ZNF175: variants seen among roughly 807,000 people sequenced by gnomAD.
ZNF175 encodes zinc finger protein 175, also known as zinc finger protein OTK18.
ZNF175 carries 8 observed loss-of-function variants against 14.0 expected under a neutral mutation model. That is an observed-to-expected ratio of 0.57 (90% CI 0.34 to 1.03). The LOEUF (loss-of-function observed/expected upper bound fraction) is 1.03, where lower values mean the gene tolerates loss of function less well. ZNF175 is among the 50% of genes least tolerant of loss of function. The pLI, the probability that ZNF175 is intolerant of heterozygous loss-of-function variation, is 0.03. For synonymous variants in ZNF175, 255 were observed against 296.8 expected (o/e 0.86, Z 1.45); for missense variants, 764 against 849.5 (o/e 0.90, Z 1.25).
At chr19:51,581,747 AG>A (rs1304553739) in intron 3 of ZNF175, 39 bp from the exon 4 acceptor site, 1 of 1,604,346 alleles carries the variant, frequency 6.2e-7, no homozygotes, top group East Asian at 2.2e-5. Context: ...CTAAAACTGA[AG>A]AAGCTACACC....
rs1434641276 is a variant in ZNF175, at chr19:51,573,162, C to T, written c.-168C>T. ...TTGCTTTTCCAAGGCTTCTGCAGAACCCCCAGGTCAGGCCACATCATTGAG... is the reference window on the plus strand; with the variant it reads ...TTGCTTTTCCAAGGCTTCTGCAGAATCCCCAGGTCAGGCCACATCATTGAG... On this transcript the variant is annotated 5_prime_UTR_variant, in exon 2 of 5. Coordinates refer to ENST00000262259, the MANE Select transcript of ZNF175 (RefSeq NM_007147.4). 3.0e-6 allele frequency: 2 copies of T among 675,990 alleles called. No homozygotes were observed. Among genetic ancestry groups the T allele is most frequent in the Non-Finnish European group, 5.2e-6 (2 of 383,662 alleles). 41.9% of individuals were successfully genotyped at this position (675,990 alleles called of 1,614,324 possible).
At chr19:51,575,788 G>A (rs574716586) in intron 2 of ZNF175, among the ~76,000 whole-genome samples, 1 of 152,258 alleles carries the variant, frequency 6.6e-6, no homozygotes, top group African/African-American at 2.4e-5. Flanking sequence ...AATTAATTAA[G>A]AAACATGTCA....
rs35431178 is a variant in ZNF175, at chr19:51,581,842, G to A, written c.255G>A (p.Pro85=). 148,206 of 1,613,460 alleles carry A rather than the reference G, an allele frequency of 0.092. 7,668 individuals carry two copies. Among genetic ancestry groups the A allele is most frequent in the Middle Eastern group, 0.15 (903 of 6,054 alleles). The part of the protein sequence containing the change: ...VIFRMLKEKE[P]RVEEAEVSHQ... Reference sequence around the variant, plus strand: ...TCAGAATGCTAAAAGAAAAGGAGCCGCGTGTGGAGGAGGCTGAAGTCTCAC... The same window carrying A: ...TCAGAATGCTAAAAGAAAAGGAGCCACGTGTGGAGGAGGCTGAAGTCTCAC... The change falls in exon 4 of 5, where the codon CCG becomes CCA. Residue 85 remains proline (P), a synonymous_variant. Transcript: ENST00000262259.
chr19:51,588,964 C>T lies in ZNF175; in HGVS notation c.*497C>T, dbSNP rs1982268208. On this transcript the variant is annotated 3_prime_UTR_variant, in exon 5 of 5. Coordinates refer to ENST00000262259, the MANE Select transcript of ZNF175 (RefSeq NM_007147.4). ...TAATATATAAGCATATTATTATATA[C>T]AGGTTGAGTATCCCTTCTCCAAAAT... 1 of 352,580 alleles carries T rather than the reference C, an allele frequency of 2.8e-6. No individual in the cohort carries two copies. The allele number at this position is 352,580 out of a possible 1,614,324, so 21.8% of individuals were successfully genotyped here.
chr19:51,587,865 T>G lies in ZNF175; in HGVS notation c.1534T>G (p.Phe512Val). Residue 512 changes from phenylalanine to valine, a missense_variant, in exon 5 of 5, where the codon TTC becomes GTC. Physicochemically the swap from Phe to Val is conservative, Grantham distance 50. Transcript: ENST00000262259. ...TGAATGCAGTGACTGTGGAAAAACC[T>G]TCACCCAAAAGTCACACCTGAATAT... ...PYECSDCGKT[F>V]TQKSHLNIHQ... 1 of 1,614,088 alleles carries G rather than the reference T, an allele frequency of 6.2e-7. No individual in the cohort carries two copies. Among genetic ancestry groups the G allele is most frequent in the Non-Finnish European group, 8.5e-7 (1 of 1,180,010 alleles).
intron 2 of ZNF175, 163 bp from the exon 3 acceptor site, chr19:51,581,228 C>CT (rs1981988285): frequency 1.0e-6 from 1 of 1,004,618 alleles, no homozygotes; most frequent in Non-Finnish European, 1.5e-6. Flanking sequence ...GGATATTTCT[C>CT]TTATTTTTTT....
chr19:51,586,754 T>C lies in ZNF175; in HGVS notation c.423T>C (p.Asp141=). 1.9e-6 allele frequency: 3 copies of C among 1,614,234 alleles called. No individual in the cohort carries two copies. Among genetic ancestry groups the C allele is most frequent in the Admixed American group, 3.3e-5 (2 of 60,030 alleles). ...CCATTTTAGAAGAACTGAGGCTGGA[T>C]GCTGACCGCACAAAGAAAGATGAGC... ...WCSILEELRL[D]ADRTKKDEQN... The change falls in exon 5 of 5, where the codon GAT becomes GAC. Residue 141 remains aspartate, a synonymous_variant. Coordinates refer to ENST00000262259, the MANE Select transcript of ZNF175 (RefSeq NM_007147.4).
In ZNF175 at chr19:51,592,347, T is replaced by C. The variant is rs117299563; in HGVS notation, c.*3880T>C. The C allele has an allele frequency of 1.6e-3, 550 of 345,656 alleles. 1 individual carries two copies. In the Middle Eastern group the frequency reaches 0.02, roughly 12 times the overall value. The allele number at this position is 345,656 out of a possible 1,614,324, so 21.4% of individuals were successfully genotyped here. On this transcript the variant is annotated 3_prime_UTR_variant, in exon 5 of 5. Transcript: ENST00000262259. ...GCAGCACAATGGGAATAATAATAGATCTCGCCTTGTGGCTCCTTTGCAGAT... is the reference window on the plus strand; with the variant it reads ...GCAGCACAATGGGAATAATAATAGACCTCGCCTTGTGGCTCCTTTGCAGAT...
In ZNF175 at chr19:51,591,999, A is replaced by G. The variant is rs1378412343; in HGVS notation, c.*3532A>G. 6.6e-6 allele frequency: 1 copy of G among 151,544 alleles called. No homozygotes were observed. Among genetic ancestry groups the G allele is most frequent in the Non-Finnish European group, 1.5e-5 (1 of 67,946 alleles). 9.4% of individuals were successfully genotyped at this position (151,544 alleles called of 1,614,324 possible). ...TGGCCAGGATGGTCTCGATCTCCTG[A>G]CCTCGTGATCCCCCCCCCTCGGCCT... is the stretch of plus-strand genomic sequence containing the variant. On this transcript the variant is annotated 3_prime_UTR_variant, in exon 5 of 5. Transcript: ENST00000262259.
At chr19:51,572,551 A>C (rs1421855417) in intron 1 of ZNF175, among the ~76,000 whole-genome samples, 3 of 152,200 alleles carry the variant, frequency 2.0e-5, no homozygotes, top group African/African-American at 7.2e-5. Context: ...TCCCGGCCTG[A>C]GTTCTATGAA....
intron 2 of ZNF175, among the ~76,000 whole-genome samples, chr19:51,579,726 T>C (rs965904320): frequency 6.6e-6 from 1 of 152,190 alleles, no homozygotes; most frequent in African/African-American, 2.4e-5. Context: ...AGCATGTTTT[T>C]CCCATGACCC....
At position 51,579,998 on chromosome 19, in the gene ZNF175, G is replaced by A. The variant is rs147168707; in HGVS notation, c.73-1393G>A. On this transcript the variant is annotated intron_variant, in intron 2 of 4. Coordinates refer to ENST00000262259, the MANE Select transcript of ZNF175 (RefSeq NM_007147.4). ...ATATTCAATATATAGAATATAGAAT[G>A]TTTTAATATATGTAATATTAAAATA... 3.9e-3 allele frequency among the ~76,000 whole-genome samples: 592 copies of A among 151,794 alleles called. 26 individuals are homozygous for A. The East Asian group carries it at 0.079, about 20-fold the overall frequency.
rs1982380507 is a variant in ZNF175 at position 51,592,389 on chromosome 19, G to A, written c.*3922G>A. 2 of 449,032 alleles carry A rather than the reference G, an allele frequency of 4.5e-6. No individual in the cohort carries two copies. Among genetic ancestry groups the A allele is most frequent in the South Asian group, 8.6e-5 (2 of 23,236 alleles). The allele number at this position is 449,032 out of a possible 1,614,324, so 27.8% of individuals were successfully genotyped here. On this transcript the variant is annotated 3_prime_UTR_variant, in exon 5 of 5. Transcript: ENST00000262259. ...TTTGCAGATTACATGCGTTAATTAT[G>A]TAAAGTCAAGCATTAGAATGGTGGC...
At position 51,588,560 on chromosome 19, in the gene ZNF175, T is replaced by G. The variant is rs1982256277; in HGVS notation, c.*93T>G. Reference sequence around the variant, plus strand: ...CTCAGAATCAGGTCTAATTATATGTTATTGAATTCATGCTTCAGAAAAACT... The same window carrying G: ...CTCAGAATCAGGTCTAATTATATGTGATTGAATTCATGCTTCAGAAAAACT... On this transcript the variant is annotated 3_prime_UTR_variant, in exon 5 of 5. Coordinates refer to ENST00000262259, the MANE Select transcript of ZNF175 (RefSeq NM_007147.4). 2 of 1,378,382 alleles carry G rather than the reference T, an allele frequency of 1.5e-6. No individual in the cohort carries two copies. Among genetic ancestry groups the G allele is most frequent in the South Asian group, 1.5e-5 (1 of 65,198 alleles). 85.4% of individuals were successfully genotyped at this position (1,378,382 alleles called of 1,614,324 possible). A position where few individuals can be genotyped will look rare whatever the true frequency, so the allele number is the denominator to read the frequency against.
At chr19:51,578,203 C>A (rs987023753) in intron 2 of ZNF175, among the ~76,000 whole-genome samples, 2 of 150,212 alleles carry the variant, frequency 1.3e-5, no homozygotes, top group Non-Finnish European at 3.0e-5. Context: ...TTGAGACCAG[C>A]CTGGCCAACA....
chr19:51,586,715 T>A lies in ZNF175; in HGVS notation c.384T>A (p.Asp128Glu). ...ATATGGTAGGTGAGTTCACAAGAGATGGTTCATGGTGTTCCATTTTAGAAG... is the reference window on the plus strand; with the variant it reads ...ATATGGTAGGTGAGTTCACAAGAGAAGGTTCATGGTGTTCCATTTTAGAAG... ...QKDMVGEFTR[D>E]GSWCSILEEL... Residue 128 changes from aspartate to glutamate, a missense_variant, in exon 5 of 5, where the codon GAT becomes GAA. Coordinates refer to ENST00000262259, the MANE Select transcript of ZNF175 (RefSeq NM_007147.4). 1.2e-6 allele frequency: 2 copies of A among 1,614,192 alleles called. No homozygotes were observed. Among genetic ancestry groups the A allele is most frequent in the Non-Finnish European group, 1.7e-6 (2 of 1,180,022 alleles).
At position 51,589,408 on chromosome 19, in the gene ZNF175, A is replaced by G. The variant is rs1982283977; in HGVS notation, c.*941A>G. 1.7e-6 allele frequency: 1 copy of G among 585,664 alleles called. No homozygotes were observed. Among genetic ancestry groups the G allele is most frequent in the Non-Finnish European group, 3.0e-6 (1 of 331,446 alleles). The allele number at this position is 585,664 out of a possible 1,614,324, so 36.3% of individuals were successfully genotyped here. On this transcript the variant is annotated 3_prime_UTR_variant, in exon 5 of 5. Transcript: ENST00000262259. ...TTTTATAAAAATTATTCCCTATTGAATATTTATATAATGAGGTTGTATCAA... is the reference window on the plus strand; with the variant it reads ...TTTTATAAAAATTATTCCCTATTGAGTATTTATATAATGAGGTTGTATCAA...
Position 51,588,347 on chromosome 19 carries a change from G to C in ZNF175, c.2016G>C (p.Val672=). Residue 672 remains valine (V), a synonymous_variant, in exon 5 of 5, where the codon GTG becomes GTC. Coordinates refer to ENST00000262259, the MANE Select transcript of ZNF175 (RefSeq NM_007147.4). ...QRIHTGERPY[V]CSECGKAFNN... ...TTCACACGGGAGAAAGACCTTATGT[G>C]TGTTCTGAATGTGGAAAGGCCTTCA... The C allele has an allele frequency of 6.2e-7, 1 of 1,614,140 alleles. No individual in the cohort carries two copies. The highest frequency in any genetic ancestry group is 2.2e-5 in the East Asian group (1 of 44,884).
chr19:51,586,521 A>G (rs1600086315), intron 4 of ZNF175, 106 bp from the exon 5 acceptor site: 1 of 1,108,700 alleles, frequency 9.0e-7, no homozygotes, highest in East Asian at 2.5e-5. Context: ...TAGCAGCATT[A>G]TTACATGACT....
Sources: allele counts gnomAD v4.1 joint callset (sites outside exome capture counted in the v4.1 genomes callset), GRCh38; gene constraint gnomAD v4.1.1; transcripts MANE v1.5; gene names NCBI Gene and HGNC (gene_info 2026-07-23, HGNC 2026-07-21).